Variants in LOC400499 observed in about 807,000 individuals in gnomAD.
the LOC400499 span, among the ~76,000 whole-genome samples, chr16:11,517,379 C>A: frequency 1.3e-5 from 2 of 152,168 alleles, no homozygotes; most frequent in Admixed American, 6.5e-5. Context: ...CTCCTAATGT[C>A]AGTTTATTTC....
the LOC400499 span, chr16:11,476,929 G>A: frequency 5.0e-6 from 2 of 399,142 alleles, no homozygotes; most frequent in Non-Finnish European, 8.8e-6. Flanking sequence ...CATCTGAGCT[G>A]AGATCTGGAG....
chr16:11,440,672 GTTA>G, the LOC400499 span: 1 of 398,760 alleles, frequency 2.5e-6, no homozygotes, highest in East Asian at 3.6e-5. Context: ...TTCACTAAAG[GTTA>G]TTAAGACCCG....
At chr16:11,468,762 G>C in the LOC400499 span, among the ~76,000 whole-genome samples, 1 of 152,024 alleles carries the variant, frequency 6.6e-6, no homozygotes, top group African/African-American at 2.4e-5. Context: ...CAGGTAGCTC[G>C]GATTACAGGC....
chr16:11,501,876 C>T, the LOC400499 span, among the ~76,000 whole-genome samples: 5 of 152,250 alleles, frequency 3.3e-5, no homozygotes, highest in East Asian at 3.9e-4. Context: ...GCTTGGACCC[C>T]GTGGGAACCT....
At chr16:11,509,961 G>A in the LOC400499 span, among the ~76,000 whole-genome samples, 207 of 146,592 alleles carry the variant, frequency 1.4e-3, 2 homozygotes, top group Non-Finnish European at 2.3e-3. Context: ...TCTGGAGAGG[G>A]GGGACTCATT....
the LOC400499 span, among the ~76,000 whole-genome samples, chr16:11,486,445 T>TG: frequency 9.9e-6 from 1 of 101,302 alleles, no homozygotes; most frequent in African/African-American, 4.6e-5. Context: ...GATGGATGGA[T>TG]GAATGGTACA....
At chr16:11,500,536 A>AATAATC in the LOC400499 span, among the ~76,000 whole-genome samples, 36 of 150,826 alleles carry the variant, frequency 2.4e-4, no homozygotes, top group South Asian at 4.2e-4. Context: ...TAATAATAAT[A>AATAATC]ATCAGAAAAG....
chr16:11,478,394 G>A, the LOC400499 span: 16 of 397,364 alleles, frequency 4.0e-5, no homozygotes, highest in Non-Finnish European at 6.6e-5. Flanking sequence ...CGTGGTAAGT[G>A]AATCAACAGC....
At chr16:11,490,593 T>A in the LOC400499 span, among the ~76,000 whole-genome samples, 1 of 151,768 alleles carries the variant, frequency 6.6e-6, no homozygotes, top group Non-Finnish European at 1.5e-5. Flanking sequence ...CCTAGCTACT[T>A]GGGAGGCTGA....
the LOC400499 span, among the ~76,000 whole-genome samples, chr16:11,499,072 G>A: frequency 1.5e-5 from 1 of 68,634 alleles, no homozygotes; most frequent in African/African-American, 5.8e-5. Context: ...GGGGAGGGGG[G>A]AAGGGAGGAA....
At chr16:11,494,640 C>G in the LOC400499 span, 56 of 399,464 alleles carry the variant, frequency 1.4e-4, no homozygotes, top group Non-Finnish European at 2.1e-4. Context: ...AGGATCCTCA[C>G]TAGGGAGCCG....
At chr16:11,380,837 G>A in the LOC400499 span, 2 of 152,486 alleles carry the variant, frequency 1.3e-5, no homozygotes, top group South Asian at 2.1e-4. Flanking sequence ...TCAAAACAAC[G>A]AGCACTTCTG....
the LOC400499 span, chr16:11,459,921 G>A: frequency 2.7e-6 from 4 of 1,480,640 alleles, no homozygotes; most frequent in Admixed American, 4.2e-5. Flanking sequence ...GCTCAGGGCG[G>A]GCCCCGAGTC....
At chr16:11,386,971 C>G in the LOC400499 span, 4 of 557,460 alleles carry the variant, frequency 7.2e-6, no homozygotes, top group Admixed American at 4.4e-5. Flanking sequence ...TACCCTCAGC[C>G]CTAGTCCCAT....
chr16:11,410,711 T>G, the LOC400499 span, among the ~76,000 whole-genome samples: 5 of 152,238 alleles, frequency 3.3e-5, no homozygotes, highest in South Asian at 4.1e-4. Context: ...ATGCCCTATT[T>G]TTTTTACTAA....
chr16:11,433,804 A>T, the LOC400499 span, among the ~76,000 whole-genome samples: 2 of 152,250 alleles, frequency 1.3e-5, no homozygotes, highest in Admixed American at 1.3e-4. Context: ...GAACACACAG[A>T]GGGTGGTGAG....
the LOC400499 span, among the ~76,000 whole-genome samples, chr16:11,496,890 G>A: frequency 3.5e-3 from 15 of 4,260 alleles, no homozygotes; most frequent in African/African-American, 0.033. Context: ...ATGCCTCAAT[G>A]TGTGTGTGTG....
At chr16:11,511,416 G>A in the LOC400499 span, among the ~76,000 whole-genome samples, 3 of 152,238 alleles carry the variant, frequency 2.0e-5, no homozygotes, top group African/African-American at 7.2e-5. Context: ...ACAACATAGA[G>A]TCAGAATTTG....
chr16:11,484,453 G>A, the LOC400499 span, among the ~76,000 whole-genome samples: 22 of 152,258 alleles, frequency 1.4e-4, no homozygotes, highest in African/African-American at 4.3e-4. Flanking sequence ...AGTGTTCACC[G>A]TGTGTCAATT....
Sources: gnomAD v4.1 joint callset for allele counts (sites outside exome capture counted in the v4.1 genomes callset) on GRCh38, gnomAD v4.1.1 for gene constraint, MANE v1.5 for transcripts.